IQSEC3: variants seen among roughly 807,000 people sequenced by gnomAD.
IQSEC3 encodes the protein IQ motif and SEC7 domain-containing protein 3.
In IQSEC3, 50 loss-of-function variants were observed where a neutral mutation model predicts 105.4. The ratio of observed to expected loss-of-function variants is 0.47; its 90% CI spans 0.38 to 0.60. The LOEUF (loss-of-function observed/expected upper bound fraction) is 0.60, where lower values mean the gene tolerates loss of function less well. Ranked by LOEUF, IQSEC3 falls within the 20% of genes least tolerant of loss-of-function variation. The pLI is 0.00. For missense variants in IQSEC3, 1,415 were observed against 1,630.0 expected, an observed-to-expected ratio of 0.87 and a Z score of 2.27; for synonymous variants, 708 against 746.0, an observed-to-expected ratio of 0.95 and a Z score of 0.83.
intron 5 of IQSEC3, chr12:148,761 G>A (rs1555091771): frequency 6.6e-6 from 1 of 152,150 alleles, no homozygotes; most frequent in Non-Finnish European, 1.5e-5. Context: ...GTGGCAATAG[G>A]TGGTTTAGAT....
chr12:125,936 C>T (rs782509768), intron 3 of IQSEC3, 24 bp downstream of exon 3: 323 of 1,524,218 alleles, frequency 2.1e-4, no homozygotes, highest in Middle Eastern at 8.9e-4. Flanking sequence ...CCTAGGGGGG[C>T]GGGGAGGGTG....
chr12:176,283 AGCCT>A lies in IQSEC3; in HGVS notation c.*1252_*1255del, dbSNP rs1443028723. 2.6e-5 allele frequency: 4 copies of A among 152,304 alleles called. No individual in the cohort carries two copies. Among genetic ancestry groups the A allele is most frequent in the Admixed American group, 2.6e-4 (4 of 15,284 alleles). The allele number at this position is 152,304 out of a possible 1,614,324, so 9.4% of individuals were successfully genotyped here. A position where few individuals can be genotyped will look rare whatever the true frequency, so the allele number is the denominator to read the frequency against. On this transcript the variant is annotated 3_prime_UTR_variant, in exon 14 of 14. Coordinates refer to ENST00000538872, the MANE Select transcript of IQSEC3 (RefSeq NM_001170738.2). This position sits in a 1 kb window ranked among gnomAD's most constrained non-coding sequence, Gnocchi z 4.0. ...AGCCTTAGGTGGCCCCACGAGCCCAAGCCTGGGGAAGGGCCCCTCCCCAGCCAGA... is the reference window on the plus strand; with the variant it reads ...AGCCTTAGGTGGCCCCACGAGCCCAAGGGGAAGGGCCCCTCCCCAGCCAGA...
chr12:80,223 A>G (rs1863698391), intron 1 of IQSEC3, among the ~76,000 whole-genome samples: 1 of 152,256 alleles, frequency 6.6e-6, no homozygotes, highest in Admixed American at 6.5e-5. Flanking sequence ...CAGTTGCAGC[A>G]GAAATACGAT....
intron 3 of IQSEC3, chr12:137,434 G>A (rs1865811336): frequency 6.6e-6 from 1 of 150,950 alleles, no homozygotes; most frequent in Non-Finnish European, 1.5e-5. Context: ...TTTAAAGTGT[G>A]CACAAAAGTA....
intron 5 of IQSEC3, among the ~76,000 whole-genome samples, chr12:155,779 TG>T (rs2137036954): frequency 6.6e-6 from 1 of 152,102 alleles, no homozygotes; most frequent in Non-Finnish European, 1.5e-5. Context: ...CAGGGGACCA[TG>T]GGAGCAGAGT....
rs1555094480 is a variant in IQSEC3, at chr12:157,026, T to C, written c.2155T>C (p.Cys719Arg). 3.8e-6 allele frequency: 6 copies of C among 1,598,782 alleles called. No individual in the cohort carries two copies. In the East Asian group the frequency reaches 1.1e-4, roughly 30 times the overall value. ...CACACCCTCCCTGCCTGCCCTCAGC[T>C]GCGTGGTGGACGAGATGGACTTCTC... is the stretch of plus-strand genomic sequence containing the variant. The part of the protein sequence containing the change: ...KKQFNRDVLD[C>R]VVDEMDFSSM... The change falls in exon 6 of 14, where the codon TGC becomes CGC. Residue 719 changes from cysteine to arginine, a missense_variant and splice_region_variant. Cys to Arg is a radical substitution (Grantham distance 180, BLOSUM62 -3). This residue lies in a region of IQSEC3 where 213 missense variants were observed against 306.2 expected (regional missense o/e 0.70). Transcript: ENST00000538872.
chr12:91,237 C>A (rs1278532184), intron 1 of IQSEC3, among the ~76,000 whole-genome samples: 7 of 152,206 alleles, frequency 4.6e-5, no homozygotes, highest in Non-Finnish European at 1.0e-4. Flanking sequence ...TGTGGTACTG[C>A]ACTCTTCATC....
chr12:145,409 G>A (rs915699203), intron 5 of IQSEC3, among the ~76,000 whole-genome samples: 116 of 152,304 alleles, frequency 7.6e-4, no homozygotes, highest in African/African-American at 2.7e-3. Context: ...GAGTAGCTGG[G>A]ACTACAGGCT....
chr12:126,655 C>T (rs782440948), intron 3 of IQSEC3, among the ~76,000 whole-genome samples: 3 of 152,032 alleles, frequency 2.0e-5, no homozygotes, highest in South Asian at 2.1e-4. Flanking sequence ...ATCCAGTCCT[C>T]GCTCTTCCTC....
chr12:127,215 A>G (rs1349257674), intron 3 of IQSEC3, among the ~76,000 whole-genome samples: 1 of 152,198 alleles, frequency 6.6e-6, no homozygotes, highest in Non-Finnish European at 1.5e-5. Context: ...ATAGCATCCC[A>G]GACTTTGTAA....
intron 2 of IQSEC3, among the ~76,000 whole-genome samples, chr12:101,183 A>T (rs1358150045): frequency 2.0e-5 from 3 of 152,034 alleles, no homozygotes; most frequent in Non-Finnish European, 4.4e-5. Flanking sequence ...CTCAGCCTGC[A>T]AGCTCGCTCA....
At chr12:75,524 T>C (rs1591626327) in intron 1 of IQSEC3, among the ~76,000 whole-genome samples, 1 of 152,134 alleles carries the variant, frequency 6.6e-6, no homozygotes, top group Non-Finnish European at 1.5e-5. Flanking sequence ...ATAAGCTTGT[T>C]TGCTCCTTTC....
chr12:102,236 G>C (rs1555076376), intron 2 of IQSEC3, among the ~76,000 whole-genome samples: 1 of 151,816 alleles, frequency 6.6e-6, no homozygotes, highest in Non-Finnish European at 1.5e-5. Flanking sequence ...CTGTCAGTCA[G>C]TCTGGTTTCC....
At chr12:161,124 G>A (rs1453033159) in intron 7 of IQSEC3, among the ~76,000 whole-genome samples, 1 of 152,090 alleles carries the variant, frequency 6.6e-6, no homozygotes, top group African/African-American at 2.4e-5. Flanking sequence ...TGGAAGGCGG[G>A]GTGTCCTTTC....
chr12:148,484 G>C (rs1478366139), intron 5 of IQSEC3: 1 of 152,164 alleles, frequency 6.6e-6, no homozygotes, highest in African/African-American at 2.4e-5. Context: ...TGAGTCTCAA[G>C]GTGTGAGTGG....
chr12:158,385 ATC>A (rs1866772000), intron 7 of IQSEC3, among the ~76,000 whole-genome samples: 1 of 151,582 alleles, frequency 6.6e-6, no homozygotes, highest in Non-Finnish European at 1.5e-5. Flanking sequence ...GCTTTTTTCT[ATC>A]TCTTTTTTTA....
chr12:137,716 A>C (rs1865824391), intron 3 of IQSEC3: 1 of 152,358 alleles, frequency 6.6e-6, no homozygotes, highest in African/African-American at 2.4e-5. Context: ...GCTGTGGTAC[A>C]ATCATAGCTC....
intron 2 of IQSEC3, among the ~76,000 whole-genome samples, chr12:104,363 TTAAA>T (rs1555077294): frequency 1.3e-5 from 2 of 152,232 alleles, no homozygotes; most frequent in African/African-American, 2.4e-5. Flanking sequence ...TCACTGGATC[TTAAA>T]TAACATCTAT....
chr12:141,095 C>T (rs781905528), intron 4 of IQSEC3, 29 bp from the exon 5 acceptor site: 4 of 1,576,158 alleles, frequency 2.5e-6, no homozygotes, highest in Non-Finnish European at 3.5e-6. Context: ...AGCTCACTCT[C>T]TACTGCTTCT....
Sources: allele counts gnomAD v4.1 joint callset (sites outside exome capture counted in the v4.1 genomes callset), GRCh38; gene constraint gnomAD v4.1.1; regional missense constraint gnomAD v4.1.1; non-coding constraint Gnocchi (gnomAD v3.1); transcripts MANE v1.5; gene names NCBI Gene and HGNC (gene_info 2026-07-23, HGNC 2026-07-21).